BNC1: variants seen among roughly 807,000 people sequenced by gnomAD.
BNC1 encodes zinc finger protein basonuclin-1.
Under a neutral mutation model 66.5 loss-of-function variants are expected in BNC1, and 8 were observed. The observed-to-expected ratio is 0.12, with a 90% confidence interval of 0.07 to 0.22. BNC1 has a LOEUF of 0.22. BNC1 is among the 10% of genes least tolerant of loss of function. BNC1 has a pLI of 1.00. For missense variants in BNC1, 1,069 were observed against 1,241.3 expected (o/e 0.86, Z 2.09); for synonymous variants, 454 against 452.6 (o/e 1.00, Z -0.04).
At chr15:83,278,896 G>A (rs2038352257) in intron 1 of BNC1, among the ~76,000 whole-genome samples, 1 of 152,110 alleles carries the variant, frequency 6.6e-6, no homozygotes, top group African/African-American at 2.4e-5. Context: ...TCAGACCAGG[G>A]AGCACTCTAC....
intron 1 of BNC1, among the ~76,000 whole-genome samples, chr15:83,284,204 G>C (rs1452117992): frequency 1.3e-5 from 2 of 152,034 alleles, no homozygotes; most frequent in Non-Finnish European, 1.5e-5. Context: ...GGCGTGTAGG[G>C]TACCCGCCGA....
intron 4 of BNC1, 111 bp from the exon 5 acceptor site, chr15:83,258,237 C>G: frequency 8.7e-7 from 1 of 1,148,258 alleles, no homozygotes; most frequent in South Asian, 1.6e-5. Context: ...TATGGGAGCA[C>G]CGATGATAAG....
At chr15:83,274,728 C>T (rs1057210787) in intron 1 of BNC1, among the ~76,000 whole-genome samples, 5 of 152,228 alleles carry the variant, frequency 3.3e-5, no homozygotes, top group Non-Finnish European at 4.4e-5. Flanking sequence ...GCATTTATTA[C>T]ATGTGAGATA....
At chr15:83,281,005 G>A (rs1393817406) in intron 1 of BNC1, among the ~76,000 whole-genome samples, 2 of 152,170 alleles carry the variant, frequency 1.3e-5, no homozygotes, top group Non-Finnish European at 2.9e-5. Flanking sequence ...TTATAATAAT[G>A]AGTCCATGTG....
At chr15:83,258,252 T>C in intron 4 of BNC1, 126 bp from the exon 5 acceptor site, 2 of 969,188 alleles carry the variant, frequency 2.1e-6, no homozygotes, top group East Asian at 2.6e-5. Context: ...GATAAGGGGG[T>C]AGGCCCCCAT....
chr15:83,267,273 C>T (rs2038227388), intron 2 of BNC1, among the ~76,000 whole-genome samples: 1 of 152,168 alleles, frequency 6.6e-6, no homozygotes, highest in East Asian at 1.9e-4. Flanking sequence ...TAGCCTGAGA[C>T]TTTTCTCCCT....
chr15:83,268,297 TC>T (rs923049825), intron 1 of BNC1, 65 bp from the exon 2 acceptor site: 1 of 1,411,350 alleles, frequency 7.1e-7, no homozygotes, highest in Admixed American at 1.7e-5. Context: ...TCATTGTATT[TC>T]AAACAAAACA....
intron 2 of BNC1, among the ~76,000 whole-genome samples, chr15:83,267,507 C>G (rs1162388019): frequency 6.6e-6 from 1 of 152,094 alleles, no homozygotes; most frequent in African/African-American, 2.4e-5. Flanking sequence ...ATTAACCCCC[C>G]TAAGGCCACG....
intron 1 of BNC1, among the ~76,000 whole-genome samples, chr15:83,268,879 A>G (rs555439384): frequency 3.9e-5 from 6 of 152,340 alleles, no homozygotes; most frequent in Non-Finnish European, 5.9e-5. Flanking sequence ...GTACAAAAAT[A>G]TAGCTGAAAT....
At position 83,257,746 on chromosome 15, in the gene BNC1, C is replaced by G. The variant is rs1224670551; in HGVS notation, c.2681G>C (p.Cys894Ser). ...CCCAGGGACAAGGCTCGACCCTTCA[C>G]AGTTCCCATCACTGTCCTCCATAAG... ...TVLMEDSDGN[C>S]EGSSLVPGED... Residue 894 changes from cysteine to serine, a missense_variant, in exon 5 of 5, where the codon TGT (cysteine) becomes TCT (serine). This residue lies in a region of BNC1 where 657 missense variants were observed against 715.8 expected (regional missense o/e 0.92). Transcript: ENST00000345382. 1.2e-6 allele frequency: 2 copies of G among 1,614,062 alleles called. No homozygotes were observed. The highest frequency in any genetic ancestry group is 1.7e-6 in the Non-Finnish European group (2 of 1,180,028).
Position 83,267,140 on chromosome 15 carries a change from A to G in BNC1, c.200-69T>C. The G allele has an allele frequency of 2.3e-6, 3 of 1,285,324 alleles. No homozygotes were observed. In the Admixed American group the frequency reaches 6.0e-5, roughly 26 times the overall value. 79.6% of individuals were successfully genotyped at this position (1,285,324 alleles called of 1,614,324 possible). A position where few individuals can be genotyped will look rare whatever the true frequency, so the allele number is the denominator to read the frequency against. On this transcript the variant is annotated intron_variant, in intron 2 of 4. Transcript: ENST00000345382. ...TTGTAAGAGAAACACTGCAAAAAAAAGTAGGTTAGGACCAATTCTTGGTTA... is the reference window on the plus strand; with the variant it reads ...TTGTAAGAGAAACACTGCAAAAAAAGGTAGGTTAGGACCAATTCTTGGTTA...
Position 83,258,142 on chromosome 15 carries a change from G to C in BNC1, c.2301-16C>G. 1 of 1,577,896 alleles carries C rather than the reference G, an allele frequency of 6.3e-7. No individual in the cohort carries two copies. The highest frequency in any genetic ancestry group is 1.7e-5 in the Admixed American group (1 of 57,828). ...TGAGCTGTGTCTACAAGAGTGAAAA[G>C]ATGGTTAGTAATGGGTTGGGCTGTT... On this transcript the variant is annotated splice_polypyrimidine_tract_variant and intron_variant, in intron 4 of 4. Transcript: ENST00000345382.
At chr15:83,266,022 G>A (rs552595211) in intron 3 of BNC1, among the ~76,000 whole-genome samples, 1 of 152,270 alleles carries the variant, frequency 6.6e-6, no homozygotes, top group South Asian at 2.1e-4. Context: ...ATACAATGCT[G>A]TAGCTGTTTC....
intron 1 of BNC1, among the ~76,000 whole-genome samples, chr15:83,281,055 T>C (rs1416738887): frequency 1.3e-5 from 2 of 152,158 alleles, no homozygotes; most frequent in Non-Finnish European, 2.9e-5. Context: ...GATAACTAAC[T>C]ATGTGAGGTT....
chr15:83,280,433 G>A (rs957050776), intron 1 of BNC1, among the ~76,000 whole-genome samples: 1 of 152,154 alleles, frequency 6.6e-6, no homozygotes. Flanking sequence ...CATAAGCAAT[G>A]CAACTTCACT....
intron 1 of BNC1, among the ~76,000 whole-genome samples, chr15:83,275,409 C>T (rs2038309920): frequency 6.6e-6 from 1 of 150,566 alleles, no homozygotes; most frequent in Admixed American, 6.7e-5. Context: ...GGCAGGAGAA[C>T]TGCTTGAACC....
chr15:83,271,778 C>T (rs1293210634), intron 1 of BNC1, among the ~76,000 whole-genome samples: 1 of 152,178 alleles, frequency 6.6e-6, no homozygotes, highest in Admixed American at 6.5e-5. Flanking sequence ...GTTCTAATGA[C>T]AGAAACTATT....
At chr15:83,282,917 G>A (rs2038394442) in intron 1 of BNC1, among the ~76,000 whole-genome samples, 2 of 152,128 alleles carry the variant, frequency 1.3e-5, no homozygotes, top group African/African-American at 4.8e-5. Context: ...ACACCGGTGG[G>A]GCCTCTTTTA....
In BNC1 at chr15:83,263,851, G is replaced by C. The variant is rs780959264; in HGVS notation, c.1400C>G (p.Pro467Arg). ...PGSGEDSKGQ[P>R]AFPNIGQNGV... The stretch of plus-strand genomic sequence containing the variant: ...ATTTTGCCCAATGTTTGGGAAGGCT[G>C]GTTGGCCTTTGGAATCCTCTCCTGA... Residue 467 changes from proline to arginine, a missense_variant, in exon 4 of 5, where the codon CCA (proline) becomes CGA (arginine). Physicochemically the swap from Pro to Arg is moderately radical, Grantham distance 103 (BLOSUM62 -2). Around this residue, in one of 7 missense-constraint regions of BNC1, gnomAD observed 657 missense variants for 715.8 expected, o/e 0.92. Transcript: ENST00000345382. The C allele has an allele frequency of 3.1e-6, 5 of 1,614,186 alleles. No homozygotes were observed. Among genetic ancestry groups the C allele is most frequent in the Non-Finnish European group, 2.5e-6 (3 of 1,180,028 alleles).
Sources: gnomAD v4.1 joint callset for allele counts (sites outside exome capture counted in the v4.1 genomes callset) on GRCh38, gnomAD v4.1.1 for gene constraint, gnomAD v4.1.1 regional missense constraint, MANE v1.5 for transcripts, NCBI Gene and HGNC (gene_info 2026-07-23, HGNC 2026-07-21) for gene names.